The following SMAP2 variants were observed in gnomAD, a reference collection of about 807,000 sequenced individuals.
SMAP2 encodes the protein stromal membrane-associated protein 2.
SMAP2 carries 25 observed loss-of-function variants against 56.4 expected under a neutral mutation model. That is an observed-to-expected ratio of 0.44 (90% CI 0.32 to 0.62). The LOEUF (loss-of-function observed/expected upper bound fraction) is 0.62, where lower values mean the gene tolerates loss of function less well. SMAP2 is among the 20% of genes least tolerant of loss of function. The probability of loss-of-function intolerance (pLI) is 0.04; values close to 1 mark genes in which losing one functional copy is unlikely to be tolerated. For missense variants in SMAP2, 388 were observed against 545.6 expected, an observed-to-expected ratio of 0.71 and a Z score of 2.88; for synonymous variants, 157 against 181.7, an observed-to-expected ratio of 0.86 and a Z score of 1.09.
intron 1 of SMAP2, among the ~76,000 whole-genome samples, chr1:40,395,734 A>G (rs1314305581): frequency 6.6e-6 from 1 of 152,230 alleles, no homozygotes; most frequent in East Asian, 1.9e-4. Context: ...AGCTGTGTAG[A>G]TAAGAAGGGC....
intron 1 of SMAP2, among the ~76,000 whole-genome samples, chr1:40,358,171 C>T (rs1453540925): frequency 2.0e-5 from 3 of 151,972 alleles, no homozygotes; most frequent in Non-Finnish European, 4.4e-5. Context: ...ATGTATTTTA[C>T]TTAATTTGTA....
intron 1 of SMAP2, among the ~76,000 whole-genome samples, chr1:40,354,842 T>C (rs2124164681): frequency 7.6e-6 from 1 of 131,356 alleles, no homozygotes; most frequent in Non-Finnish European, 1.6e-5. Flanking sequence ...AGTGGCGTGA[T>C]CTCGGCCCTT....
chr1:40,358,297 C>T (rs1008933534), intron 1 of SMAP2, among the ~76,000 whole-genome samples: 4 of 152,112 alleles, frequency 2.6e-5, no homozygotes, highest in Non-Finnish European at 4.4e-5. Flanking sequence ...AATCCCAGCA[C>T]TTTGGGAGGC....
At chr1:40,383,988 C>T (rs1644628356) in intron 1 of SMAP2, among the ~76,000 whole-genome samples, 1 of 152,132 alleles carries the variant, frequency 6.6e-6, no homozygotes, top group Non-Finnish European at 1.5e-5. Flanking sequence ...CCTCTGGCTC[C>T]CGGGTTCAAG....
chr1:40,390,673 G>C (rs895882711), intron 1 of SMAP2, among the ~76,000 whole-genome samples: 2 of 152,136 alleles, frequency 1.3e-5, no homozygotes, highest in African/African-American at 4.8e-5. Flanking sequence ...TATCAATTTA[G>C]TGACCATTAT....
chr1:40,373,750 C>A lies in SMAP2; in HGVS notation c.-371C>A, dbSNP rs1644514435. 5.4e-6 allele frequency: 1 copy of A among 184,530 alleles called. No homozygotes were observed. Among genetic ancestry groups the A allele is most frequent in the African/African-American group, 2.4e-5 (1 of 41,936 alleles). The allele number at this position is 184,530 out of a possible 1,614,324, so 11.4% of individuals were successfully genotyped here. On this transcript the variant is annotated 5_prime_UTR_variant, in exon 1 of 10. Transcript: ENST00000372718. The stretch of plus-strand genomic sequence containing the variant: ...GTGGAGGTGGTAGCGGAGCTGACGG[C>A]AGCTGCCAGGGAAACCGAGGCGCGG...
rs1644517377 is a variant in SMAP2, at chr1:40,374,030, G to A, written c.-91G>A. 1 of 973,224 alleles carries A rather than the reference G, an allele frequency of 1.0e-6. No individual in the cohort carries two copies. Among genetic ancestry groups the A allele is most frequent in the Non-Finnish European group, 1.6e-6 (1 of 629,454 alleles). 60.3% of individuals were successfully genotyped at this position (973,224 alleles called of 1,614,324 possible). ...CCCGCTCAGGAGGTGCCCCTGGGCG[G>A]GGGACCGGGAGTCCTCAACCCCGGA... On this transcript the variant is annotated 5_prime_UTR_variant, in exon 1 of 10. Transcript: ENST00000372718. The surrounding 1 kb of genome is among the most constrained non-coding windows in gnomAD (Gnocchi z 5.9).
Position 40,374,165 on chromosome 1 carries a change from C to T in SMAP2, c.45C>T (p.Val15=). ...SVKDVDRYQA[V]LANLLLEEDN... is the part of the protein sequence containing the mutation. ...AGGACGTGGATCGGTACCAGGCTGT[C>T]CTGGCCAACCTGCTGCTGGAGGAGG... Residue 15 remains valine (V), a synonymous_variant, in exon 1 of 10, where the codon GTC becomes GTT. Transcript: ENST00000372718. The surrounding 1 kb of genome is among the most constrained non-coding windows in gnomAD (Gnocchi z 5.9). The T allele has an allele frequency of 1.2e-6, 2 of 1,613,786 alleles. No homozygotes were observed. The highest frequency in any genetic ancestry group is 1.7e-6 in the Non-Finnish European group (2 of 1,179,842).
rs1267436676 is a variant in SMAP2, at chr1:40,386,511, C to G, written c.103+12288C>G. ...GGCTCCCTGAGCATTCTAACTTGTT[C>G]TGAGCCTAGTCTCGACAGAAGTAGC... On this transcript the variant is annotated intron_variant, in intron 1 of 9. Transcript: ENST00000372718. The surrounding 1 kb of genome is among the most constrained non-coding windows in gnomAD (Gnocchi z 4.1). 6.6e-6 allele frequency among the ~76,000 whole-genome samples: 1 copy of G among 152,214 alleles called. No individual in the cohort carries two copies. Among genetic ancestry groups the G allele is most frequent in the Non-Finnish European group, 1.5e-5 (1 of 68,042 alleles).
chr1:40,400,799 G>C (rs1254776569), intron 1 of SMAP2, among the ~76,000 whole-genome samples: 1 of 94,558 alleles, frequency 1.1e-5, no homozygotes, highest in African/African-American at 4.8e-5. Flanking sequence ...GTACAGATTT[G>C]TGTTTTAGAA....
At chr1:40,410,491 C>CT (rs1354516918) in intron 4 of SMAP2, among the ~76,000 whole-genome samples, 1 of 151,468 alleles carries the variant, frequency 6.6e-6, no homozygotes, top group African/African-American at 2.4e-5. Context: ...CACATATATA[C>CT]TTTTTTCCTG....
At chr1:40,404,611 C>T (rs1303305250) in intron 1 of SMAP2, among the ~76,000 whole-genome samples, 1 of 152,186 alleles carries the variant, frequency 6.6e-6, no homozygotes, top group Non-Finnish European at 1.5e-5. Context: ...TGGCTTCTGA[C>T]TTTGTTAGCA....
At chr1:40,363,819 T>A (rs1644468706) in intron 2 of SMAP2, among the ~76,000 whole-genome samples, 1 of 152,220 alleles carries the variant, frequency 6.6e-6, no homozygotes, top group Non-Finnish European at 1.5e-5. Context: ...TGTGGGACTT[T>A]ACATTAGAAC....
intron 1 of SMAP2, among the ~76,000 whole-genome samples, chr1:40,394,300 A>C (rs1208685366): frequency 6.6e-6 from 1 of 152,188 alleles, no homozygotes; most frequent in African/African-American, 2.4e-5. Context: ...TCAAGTAACC[A>C]TGTCTTGAAG....
At position 40,416,761 on chromosome 1, in the gene SMAP2, A is replaced by G. The variant is rs375254340; in HGVS notation, c.848-19A>G. On this transcript the variant is annotated intron_variant, in intron 8 of 9. Coordinates refer to ENST00000372718, the MANE Select transcript of SMAP2 (RefSeq NM_022733.3). ...GTTTTTCCCTCTTTAACCAACCTGT[A>G]TGTGTGTTTTCTTGGCAGCAATGTT... 5.0e-6 allele frequency: 8 copies of G among 1,587,838 alleles called. No homozygotes were observed. The highest frequency in any genetic ancestry group is 2.7e-5 in the African/African-American group (2 of 74,478).
chr1:40,421,910 C>A, intron 9 of SMAP2, 66 bp from the exon 10 acceptor site: 2 of 1,598,796 alleles, frequency 1.3e-6, no homozygotes, highest in South Asian at 2.2e-5. Context: ...GACTCTCACC[C>A]TGCCTTTTGC....
chr1:40,356,417 T>G (rs1410839915), intron 1 of SMAP2, among the ~76,000 whole-genome samples: 8 of 140,772 alleles, frequency 5.7e-5, no homozygotes, highest in African/African-American at 8.5e-5. Context: ...TTTTTTTTGT[T>G]TTTTTTTTTT....
At chr1:40,410,970 A>C (rs1644930261) in intron 4 of SMAP2, among the ~76,000 whole-genome samples, 1 of 152,188 alleles carries the variant, frequency 6.6e-6, no homozygotes, top group African/African-American at 2.4e-5. Context: ...TATTCTAGTT[A>C]TGTAATAATG....
chr1:40,401,773 A>C (rs1204714050), intron 1 of SMAP2, among the ~76,000 whole-genome samples: 1 of 152,256 alleles, frequency 6.6e-6, no homozygotes, highest in Non-Finnish European at 1.5e-5. Context: ...AAATGGAGAC[A>C]TAAGCCCTAG....
Sources: gnomAD v4.1 joint callset for allele counts (sites outside exome capture counted in the v4.1 genomes callset) on GRCh38, gnomAD v4.1.1 for gene constraint, Gnocchi (gnomAD v3.1) non-coding constraint, MANE v1.5 for transcripts, NCBI Gene and HGNC (gene_info 2026-07-23, HGNC 2026-07-21) for gene names.